The following ANKRD27 variants were observed in gnomAD, a reference collection of about 807,000 sequenced individuals.
The protein encoded by ANKRD27 is ankyrin repeat domain-containing protein 27.
In ANKRD27, 112 loss-of-function variants were observed where a neutral mutation model predicts 129.7. The observed-to-expected ratio is 0.86, with a 90% confidence interval of 0.74 to 1.01. The LOEUF (loss-of-function observed/expected upper bound fraction) is 1.01, where lower values mean the gene tolerates loss of function less well. Among genes scored for constraint, ANKRD27 ranks in the 50% least tolerant of loss-of-function variants. The pLI, the probability that ANKRD27 is intolerant of heterozygous loss-of-function variation, is 0.00. For synonymous variants in ANKRD27, 516 were observed against 511.2 expected (o/e 1.01, Z -0.13); for missense variants, 1,258 against 1,300.5 (o/e 0.97, Z 0.50).
intron 20 of ANKRD27, among the ~76,000 whole-genome samples, chr19:32,618,827 C>T (rs1025481307): frequency 6.6e-6 from 1 of 152,036 alleles, no homozygotes; most frequent in Admixed American, 6.6e-5. Flanking sequence ...AGGAGAATTG[C>T]TTGAACCTGG....
chr19:32,629,654 C>T (rs902321176), intron 13 of ANKRD27, among the ~76,000 whole-genome samples: 4 of 151,954 alleles, frequency 2.6e-5, no homozygotes, highest in African/African-American at 7.3e-5. Flanking sequence ...GAACCAAGAT[C>T]GCACCATTAC....
intron 15 of ANKRD27, among the ~76,000 whole-genome samples, chr19:32,627,393 TATTTATTTATTTA>T (rs1568405352): frequency 0.15 from 19,680 of 128,696 alleles, 2,896 homozygotes; most frequent in Non-Finnish European, 0.24. Flanking sequence ...TTTATTTATT[TATTTATTTATTTA>T]TTTATTTTTT....
Position 32,619,369 on chromosome 19 carries a change from T to A in ANKRD27, c.1898A>T (p.Gln633Leu). The A allele has an allele frequency of 6.2e-7, 1 of 1,613,726 alleles. No individual in the cohort carries two copies. Among genetic ancestry groups the A allele is most frequent in the Non-Finnish European group, 8.5e-7 (1 of 1,179,980 alleles). ...RRQKSSEAPVQSPQRSVDSIS... is the reference protein window; with the variant it reads ...RRQKSSEAPVLSPQRSVDSIS... ...GGAGTCCACGGAGCGCTGCGGGGAC[T>A]GCACAGGGGCCTGCAGCCAAGGAGC... Residue 633 changes from glutamine to leucine, a missense_variant, in exon 20 of 29, where the codon CAG becomes CTG. Coordinates refer to ENST00000306065, the MANE Select transcript of ANKRD27 (RefSeq NM_032139.3).
intron 22 of ANKRD27, among the ~76,000 whole-genome samples, chr19:32,612,478 G>A (rs1971849204): frequency 6.6e-6 from 1 of 152,150 alleles, no homozygotes; most frequent in African/African-American, 2.4e-5. Context: ...ACATGGCAAG[G>A]CACAGGCCAT....
chr19:32,607,691 T>G lies in ANKRD27; in HGVS notation c.2317A>C (p.Arg773=), dbSNP rs751028470. The G allele has an allele frequency of 1.9e-6, 3 of 1,612,790 alleles. No individual in the cohort carries two copies. In the East Asian group the frequency reaches 6.7e-5, roughly 36 times the overall value. Residue 773 remains arginine, a synonymous_variant, in exon 23 of 29, where the codon AGG becomes CGG. Coordinates refer to ENST00000306065, the MANE Select transcript of ANKRD27 (RefSeq NM_032139.3). ...AGCGGGACGGCTTGGTCTGCGTTCCTGGCACCTGCGTTGGCCCCGTGCTTC... is the reference window on the plus strand; with the variant it reads ...AGCGGGACGGCTTGGTCTGCGTTCCGGGCACCTGCGTTGGCCCCGTGCTTC... The part of the protein sequence containing the change: ...LLKHGANAGA[R]NADQAVPLHL...
rs181455070 is a variant in ANKRD27, at chr19:32,603,348, T to C, written c.2655+915A>G. Among the ~76,000 whole-genome samples, 271 of 152,264 alleles carry C rather than the reference T, an allele frequency of 1.8e-3. 2 individuals are homozygous for C. Among genetic ancestry groups the C allele is most frequent in the South Asian group, 7.3e-3 (35 of 4,818 alleles). ...ATTGATGGTGATGTTAGCTTCTCAG[T>C]TGTGTCACTTAACAGCCTACTCGCT... On this transcript the variant is annotated intron_variant, in intron 25 of 28. Coordinates refer to ENST00000306065, the MANE Select transcript of ANKRD27 (RefSeq NM_032139.3).
At chr19:32,641,767 CTT>C (rs757141453) in intron 10 of ANKRD27, among the ~76,000 whole-genome samples, 2 of 21,184 alleles carry the variant, frequency 9.4e-5, no homozygotes, top group Admixed American at 3.9e-4. Flanking sequence ...TTTACTTCTT[CTT>C]TTTTTTTTTT....
chr19:32,612,819 C>T (rs1173383689), intron 22 of ANKRD27, among the ~76,000 whole-genome samples: 1 of 152,072 alleles, frequency 6.6e-6, no homozygotes, highest in Non-Finnish European at 1.5e-5. Flanking sequence ...GGATCATGGA[C>T]TTAACTATAA....
Position 32,660,361 on chromosome 19 carries a change from G to A in ANKRD27, c.-30-1316C>T, listed in dbSNP as rs552609563. Among the ~76,000 whole-genome samples the A allele has an allele frequency of 7.2e-4, 110 of 152,286 alleles. 2 individuals are homozygous for A. In the South Asian group the frequency reaches 0.011, roughly 15 times the overall value. Reference sequence around the variant, plus strand: ...AGTTCAAGACCAGCCTGGTCAACATGGTGAAACCCCGTCTCTACTGAAAAT... The same window carrying A: ...AGTTCAAGACCAGCCTGGTCAACATAGTGAAACCCCGTCTCTACTGAAAAT... On this transcript the variant is annotated intron_variant, in intron 1 of 28. Transcript: ENST00000306065.
intron 1 of ANKRD27, among the ~76,000 whole-genome samples, chr19:32,663,105 A>C (rs1967677575): frequency 6.6e-6 from 1 of 152,240 alleles, no homozygotes; most frequent in African/African-American, 2.4e-5. Context: ...ATGTATATAC[A>C]TACATACACA....
In ANKRD27 at chr19:32,643,218, G is replaced by A. The variant is rs370421903; in HGVS notation, c.706-19C>T. The A allele has an allele frequency of 8.7e-6, 14 of 1,613,892 alleles. No homozygotes were observed. The highest frequency in any genetic ancestry group is 2.2e-5 in the East Asian group (1 of 44,888). ...CCGCATCCTAACAACAGATTTTAACGAACCTTCAAATTTCTCAAAAAGCAC... is the reference window on the plus strand; with the variant it reads ...CCGCATCCTAACAACAGATTTTAACAAACCTTCAAATTTCTCAAAAAGCAC... On this transcript the variant is annotated intron_variant, in intron 8 of 28. Transcript: ENST00000306065.
chr19:32,651,214 G>C (rs1478070269), intron 2 of ANKRD27, among the ~76,000 whole-genome samples: 1 of 152,166 alleles, frequency 6.6e-6, no homozygotes, highest in Non-Finnish European at 1.5e-5. Flanking sequence ...AGAGGCCAAA[G>C]TGGGCCACAG....
At chr19:32,607,867 T>C (rs749672345) in intron 22 of ANKRD27, 35 bp from the exon 23 acceptor site, 5 of 1,569,392 alleles carry the variant, frequency 3.2e-6, no homozygotes, top group Middle Eastern at 1.7e-4. Context: ...ACAAACGTCA[T>C]CAGTATTGAA....
At chr19:32,668,215 C>T (rs572156709) in intron 1 of ANKRD27, among the ~76,000 whole-genome samples, 16 of 152,222 alleles carry the variant, frequency 1.1e-4, no homozygotes, top group African/African-American at 3.9e-4. Context: ...TACAGTGACA[C>T]AATCATAGCT....
At chr19:32,626,050 T>G in intron 16 of ANKRD27, 84 bp from the exon 17 acceptor site, 1 of 1,044,008 alleles carries the variant, frequency 9.6e-7, no homozygotes, top group African/African-American at 1.6e-5. Flanking sequence ...GGGGAGGTCA[T>G]TTGCTCCCAT....
intron 23 of ANKRD27, among the ~76,000 whole-genome samples, chr19:32,606,734 T>C (rs1971745360): frequency 6.6e-6 from 1 of 151,926 alleles, no homozygotes; most frequent in Non-Finnish European, 1.5e-5. Context: ...AGACCTGAAA[T>C]ATGGCTCCTT....
At position 32,639,493 on chromosome 19, in the gene ANKRD27, T is replaced by C. The variant is rs1346296719; in HGVS notation, c.984-5A>G. 1.2e-6 allele frequency: 2 copies of C among 1,610,760 alleles called. No homozygotes were observed. Among genetic ancestry groups the C allele is most frequent in the Admixed American group, 1.7e-5 (1 of 59,420 alleles). ...ATGTAACTCAAATTTGCCATCCTAA[T>C]GAAAGGAAGAAAAAAGTTATGTTGT... On this transcript the variant is annotated splice_region_variant and splice_polypyrimidine_tract_variant and intron_variant, in intron 11 of 28. Coordinates refer to ENST00000306065, the MANE Select transcript of ANKRD27 (RefSeq NM_032139.3).
intron 5 of ANKRD27, among the ~76,000 whole-genome samples, chr19:32,644,105 C>T (rs112863285): frequency 4.6e-5 from 7 of 151,944 alleles, no homozygotes; most frequent in African/African-American, 1.7e-4. Flanking sequence ...GAACTCCCAG[C>T]CTCAAGAGAT....
rs761274810 is a variant in ANKRD27 at position 32,619,373 on chromosome 19, C to T, written c.1894G>A (p.Val632Met). 1.2e-6 allele frequency: 2 copies of T among 1,613,686 alleles called. No individual in the cohort carries two copies. The highest frequency in any genetic ancestry group is 8.5e-7 in the Non-Finnish European group (1 of 1,179,986). ...TCCACGGAGCGCTGCGGGGACTGCA[C>T]AGGGGCCTGCAGCCAAGGAGCCCCA... ...ERRQKSSEAPVQSPQRSVDSI... is the reference protein window; with the variant it reads ...ERRQKSSEAPMQSPQRSVDSI... Residue 632 changes from valine to methionine, a missense_variant, in exon 20 of 29, where the codon GTG (valine) becomes ATG (methionine). Transcript: ENST00000306065.
Sources: allele counts gnomAD v4.1 joint callset (sites outside exome capture counted in the v4.1 genomes callset), GRCh38; gene constraint gnomAD v4.1.1; transcripts MANE v1.5; gene names NCBI Gene and HGNC (gene_info 2026-07-23, HGNC 2026-07-21).